Variants in CBLB observed in about 807,000 individuals in gnomAD.
CBLB encodes the protein E3 ubiquitin-protein ligase CBL-B.
CBLB carries 31 observed loss-of-function variants against 104.9 expected under a neutral mutation model. That is an observed-to-expected ratio of 0.30 (90% CI 0.22 to 0.40). The LOEUF (loss-of-function observed/expected upper bound fraction) is 0.40. CBLB is among the 10% of genes least tolerant of loss of function. The probability of loss-of-function intolerance (pLI) is 1.00; values close to 1 mark genes in which losing one functional copy is unlikely to be tolerated. For missense variants in CBLB, 1,062 were observed against 1,214.6 expected (o/e 0.87, Z 1.87); for synonymous variants, 440 against 422.6 (o/e 1.04, Z -0.51).
Position 105,794,354 on chromosome 3 carries a change from T to C in CBLB, c.420-17812A>G, listed in dbSNP as rs139658241. ...AGATTTCTGCCTAACCTAATACTACTTAATTACTGTAAAAAAGATACAATC... is the reference window on the plus strand; with the variant it reads ...AGATTTCTGCCTAACCTAATACTACCTAATTACTGTAAAAAAGATACAATC... On this transcript the variant is annotated intron_variant, in intron 3 of 18. Coordinates refer to ENST00000394030, the MANE Select transcript of CBLB (RefSeq NM_170662.5). Among the ~76,000 whole-genome samples the C allele has an allele frequency of 7.2e-5, 11 of 152,302 alleles. No individual in the cohort carries two copies. In the East Asian group the frequency reaches 2.1e-3, roughly 29 times the overall value.
intron 12 of CBLB, among the ~76,000 whole-genome samples, chr3:105,700,541 T>C (rs556896992): frequency 2.0e-5 from 3 of 152,144 alleles, no homozygotes; most frequent in African/African-American, 7.2e-5. Context: ...TTCTAGGTTG[T>C]GGAAAAACTC....
At chr3:105,785,399 T>C (rs1451884898) in intron 3 of CBLB, among the ~76,000 whole-genome samples, 1 of 152,232 alleles carries the variant, frequency 6.6e-6, no homozygotes, top group Non-Finnish European at 1.5e-5. Context: ...CTGTGAGTTC[T>C]GAGACCTTTT....
chr3:105,720,309 G>A, intron 9 of CBLB, 59 bp from the exon 10 acceptor site: 2 of 1,447,184 alleles, frequency 1.4e-6, no homozygotes, highest in Non-Finnish European at 1.9e-6. Context: ...ACCGAGAAAT[G>A]CTAATAATGT....
chr3:105,737,129 T>C (rs777026669), intron 8 of CBLB, 42 bp downstream of exon 8: 1 of 1,009,218 alleles, frequency 9.9e-7, no homozygotes, highest in South Asian at 1.4e-5. Context: ...AAGGGCATTA[T>C]GGATACTTAT....
At chr3:105,683,282 A>C (rs1487911278) in intron 14 of CBLB, among the ~76,000 whole-genome samples, 2 of 152,248 alleles carry the variant, frequency 1.3e-5, no homozygotes, top group Non-Finnish European at 1.5e-5. Context: ...ACACAGGGAA[A>C]GAAAGTGTTA....
rs560172759 is a variant in CBLB, at chr3:105,823,662, C to T, written c.419+29752G>A. 1.4e-4 allele frequency among the ~76,000 whole-genome samples: 22 copies of T among 152,254 alleles called. No individual in the cohort carries two copies. In the South Asian group the frequency reaches 4.6e-3, roughly 32 times the overall value. ...GCTGGTTACTCTTCCTACTGCTATGCAAGGTCTGAGTCATGTACCTCAGCA... is the reference window on the plus strand; with the variant it reads ...GCTGGTTACTCTTCCTACTGCTATGTAAGGTCTGAGTCATGTACCTCAGCA... On this transcript the variant is annotated intron_variant, in intron 3 of 18. Transcript: ENST00000394030.
intron 10 of CBLB, among the ~76,000 whole-genome samples, chr3:105,718,886 T>G (rs927912087): frequency 4.0e-4 from 61 of 152,356 alleles, no homozygotes; most frequent in African/African-American, 1.4e-3. Flanking sequence ...GTACAGGGAA[T>G]AGCCTGATAT....
intron 3 of CBLB, among the ~76,000 whole-genome samples, chr3:105,846,925 T>C (rs970130138): frequency 6.6e-6 from 1 of 152,100 alleles, no homozygotes; most frequent in Non-Finnish European, 1.5e-5. Context: ...TCAATGACCA[T>C]GCTATCAACA....
At chr3:105,675,646 G>C (rs1301311137) in intron 17 of CBLB, among the ~76,000 whole-genome samples, 1 of 152,124 alleles carries the variant, frequency 6.6e-6, no homozygotes, top group African/African-American at 2.4e-5. Flanking sequence ...CATTTTGGGA[G>C]GTTGAAGCAG....
intron 3 of CBLB, among the ~76,000 whole-genome samples, chr3:105,826,304 A>C (rs1274419796): frequency 1.3e-5 from 2 of 152,224 alleles, no homozygotes; most frequent in African/African-American, 4.8e-5. Flanking sequence ...TAATAAAACC[A>C]TATAACAAGG....
intron 10 of CBLB, among the ~76,000 whole-genome samples, chr3:105,708,203 T>C (rs151049764): frequency 2.6e-5 from 4 of 152,178 alleles, no homozygotes; most frequent in African/African-American, 9.6e-5. Context: ...TTTCTACATG[T>C]GATAGGTGAT....
chr3:105,658,817 G>A lies in CBLB; in HGVS notation c.*153C>T. 1.3e-6 allele frequency: 1 copy of A among 756,498 alleles called. No individual in the cohort carries two copies. The allele number at this position is 756,498 out of a possible 1,614,324, so 46.9% of individuals were successfully genotyped here. On this transcript the variant is annotated 3_prime_UTR_variant, in exon 19 of 19. Transcript: ENST00000394030. Reference sequence around the variant, plus strand: ...CTGTCGACATCCTGAGCAAGCATCGGTCTCCTTTGAGAAGCTGCACTCCCA... The same window carrying A: ...CTGTCGACATCCTGAGCAAGCATCGATCTCCTTTGAGAAGCTGCACTCCCA...
At chr3:105,766,759 C>T (rs1367155542) in intron 4 of CBLB, among the ~76,000 whole-genome samples, 2 of 152,132 alleles carry the variant, frequency 1.3e-5, no homozygotes, top group African/African-American at 4.8e-5. Flanking sequence ...AAGTGACTTG[C>T]TTTATTGCAA....
chr3:105,741,436 C>A (rs2075567228), intron 6 of CBLB, among the ~76,000 whole-genome samples: 1 of 152,024 alleles, frequency 6.6e-6, no homozygotes, highest in Non-Finnish European at 1.5e-5. Flanking sequence ...TGCTCTGTCG[C>A]CCATGCTGGA....
chr3:105,682,763 A>G (rs1206913582), intron 14 of CBLB, among the ~76,000 whole-genome samples: 1 of 152,150 alleles, frequency 6.6e-6, no homozygotes, highest in Non-Finnish European at 1.5e-5. Context: ...TCACCCTCCC[A>G]AAGTGCTGGG....
Position 105,802,059 on chromosome 3 carries a change from A to G in CBLB, c.420-25517T>C, listed in dbSNP as rs546376501. On this transcript the variant is annotated intron_variant, in intron 3 of 18. Transcript: ENST00000394030. ...AACAATAACTCACTGAATCACTGTA[A>G]TAACCTTCAAGAAAAATCTCACAAG... Among the ~76,000 whole-genome samples the G allele has an allele frequency of 5.3e-5, 8 of 152,358 alleles. No homozygotes were observed. The South Asian group carries it at 1.5e-3, about 28-fold the overall frequency.
In CBLB at chr3:105,657,273, T is replaced by C; in HGVS notation, c.*1697A>G. The stretch of plus-strand genomic sequence containing the variant: ...AGATGTTCAGTCATGTCCTTTCAGG[T>C]CCTGAAGGCAGGCTCACTCTCTGAT... On this transcript the variant is annotated 3_prime_UTR_variant, in exon 19 of 19. Coordinates refer to ENST00000394030, the MANE Select transcript of CBLB (RefSeq NM_170662.5). 3 of 220,784 alleles carry C rather than the reference T, an allele frequency of 1.4e-5. No individual in the cohort carries two copies. The highest frequency in any genetic ancestry group is 2.7e-5 in the Non-Finnish European group (3 of 110,214). The allele number at this position is 220,784 out of a possible 1,614,324, so 13.7% of individuals were successfully genotyped here.
At chr3:105,741,538 G>A (rs533936770) in intron 6 of CBLB, among the ~76,000 whole-genome samples, 49 of 152,262 alleles carry the variant, frequency 3.2e-4, no homozygotes, top group African/African-American at 1.2e-3. Context: ...TGGGACCACA[G>A]GTGCCCGCCA....
At chr3:105,681,347 G>T in intron 16 of CBLB, 132 bp downstream of exon 16, 2 of 846,954 alleles carry the variant, frequency 2.4e-6, no homozygotes, top group Non-Finnish European at 1.9e-6. Context: ...ACCGGCACCT[G>T]GAGAACCCAT....
Sources: gnomAD v4.1 joint callset for allele counts (sites outside exome capture counted in the v4.1 genomes callset) on GRCh38, gnomAD v4.1.1 for gene constraint, MANE v1.5 for transcripts, NCBI Gene and HGNC (gene_info 2026-07-23, HGNC 2026-07-21) for gene names.